HDGFL3: variants seen among roughly 807,000 people sequenced by gnomAD.
The protein encoded by HDGFL3 is HDGF like 3.
Under a neutral mutation model 27.6 loss-of-function variants are expected in HDGFL3, and 6 were observed. The ratio of observed to expected loss-of-function variants is 0.22; its 90% CI spans 0.12 to 0.43. The LOEUF (loss-of-function observed/expected upper bound fraction) is 0.43, where lower values mean the gene tolerates loss of function less well. Ranked by LOEUF, HDGFL3 falls within the 20% of genes least tolerant of loss-of-function variation. HDGFL3 has a pLI of 1.00. For missense variants in HDGFL3, 207 were observed against 250.1 expected (o/e 0.83, Z 1.16); for synonymous variants, 88 against 88.9 (o/e 0.99, Z 0.05).
intron 1 of HDGFL3, among the ~76,000 whole-genome samples, chr15:83,176,350 T>TAAA (rs1036165917): frequency 2.2e-4 from 33 of 152,346 alleles, no homozygotes; most frequent in African/African-American, 7.7e-4. Flanking sequence ...AAATCTAACA[T>TAAA]AAAATGAATA....
intron 1 of HDGFL3, among the ~76,000 whole-genome samples, chr15:83,205,316 T>C (rs1385702580): frequency 1.3e-5 from 2 of 152,176 alleles, no homozygotes; most frequent in Non-Finnish European, 2.9e-5. Flanking sequence ...AACGAGAAAA[T>C]AAAACTTCTT....
At chr15:83,166,832 A>T (rs2037176882) in intron 1 of HDGFL3, among the ~76,000 whole-genome samples, 1 of 152,156 alleles carries the variant, frequency 6.6e-6, no homozygotes, top group East Asian at 1.9e-4. Context: ...GATCTCATGA[A>T]AACTCACTCA....
intron 1 of HDGFL3, among the ~76,000 whole-genome samples, chr15:83,178,964 T>A (rs751074970): frequency 1.3e-5 from 2 of 152,120 alleles, no homozygotes; most frequent in African/African-American, 2.4e-5. Flanking sequence ...CAAGTTCTCC[T>A]CCCTACTCTT....
At chr15:83,202,405 G>T (rs1452720432) in intron 1 of HDGFL3, among the ~76,000 whole-genome samples, 4 of 152,106 alleles carry the variant, frequency 2.6e-5, no homozygotes, top group African/African-American at 4.8e-5. Flanking sequence ...GGAAGAGAAA[G>T]ACACTGATGC....
chr15:83,179,222 G>A (rs2037350972), intron 1 of HDGFL3: 1 of 152,318 alleles, frequency 6.6e-6, no homozygotes, highest in Non-Finnish European at 1.5e-5. Flanking sequence ...TGTGGCCCAT[G>A]TAGCGTGCAG....
chr15:83,153,922 G>A lies in HDGFL3; in HGVS notation c.460-2561C>T, dbSNP rs187200996. 7.7e-3 allele frequency among the ~76,000 whole-genome samples: 1,171 copies of A among 152,176 alleles called. 6 individuals carry two copies. Among genetic ancestry groups the A allele is most frequent in the Non-Finnish European group, 0.01 (711 of 67,998 alleles). On this transcript the variant is annotated intron_variant, in intron 4 of 5. Transcript: ENST00000299633. ...ATTAGGTGAGGTAGAGGAGACAGGT[G>A]TGGGGCCTTTTCCTCTACCCAACTG...
downstream of HDGFL3, chr15:83,127,591 T>A: frequency 6.7e-6 from 8 of 1,186,312 alleles, no homozygotes; most frequent in Non-Finnish European, 9.6e-6. Flanking sequence ...ATTAGACATG[T>A]CACCTTTTGT....
chr15:83,123,868 G>A (rs992511620), downstream of HDGFL3, among the ~76,000 whole-genome samples: 18 of 152,200 alleles, frequency 1.2e-4, no homozygotes, highest in African/African-American at 4.1e-4. Flanking sequence ...TGACAGCCAG[G>A]GCCAAGCAGG....
intron 1 of HDGFL3, among the ~76,000 whole-genome samples, chr15:83,203,819 A>G (rs1183427188): frequency 6.6e-6 from 1 of 151,514 alleles, no homozygotes; most frequent in Non-Finnish European, 1.5e-5. Flanking sequence ...TATGCTGTAT[A>G]TAGTAGTAAC....
chr15:83,122,769 C>G (rs1485751218), downstream of HDGFL3: 3 of 1,613,800 alleles, frequency 1.9e-6, no homozygotes, highest in Middle Eastern at 5.0e-4. Flanking sequence ...AAGTATGGAA[C>G]ACGAATTTGC....
At chr15:83,186,563 AAAT>A (rs1283314554) in intron 1 of HDGFL3, among the ~76,000 whole-genome samples, 3 of 152,244 alleles carry the variant, frequency 2.0e-5, no homozygotes, top group South Asian at 2.1e-4. Context: ...CTGTATTCTG[AAAT>A]AATATCTTCT....
rs190513650 is a variant in HDGFL3 at position 83,146,580 on chromosome 15, T to G, written c.606+4635A>C. Among the ~76,000 whole-genome samples the G allele has an allele frequency of 1.6e-4, 24 of 152,360 alleles. No homozygotes were observed. The East Asian group carries it at 3.5e-3, about 22-fold the overall frequency. On this transcript the variant is annotated intron_variant, in intron 5 of 5. Coordinates refer to ENST00000299633, the MANE Select transcript of HDGFL3 (RefSeq NM_016073.4). Reference sequence around the variant, plus strand: ...ATTCCATGGTCCATTGTTATAATCCTTGTACACATCCTTGATTCCCTGGCC... The same window carrying G: ...ATTCCATGGTCCATTGTTATAATCCGTGTACACATCCTTGATTCCCTGGCC...
chr15:83,115,378 A>G, exon 4 of HDGFL3: 1 of 296,656 alleles, frequency 3.4e-6, no homozygotes, highest in Non-Finnish European at 6.6e-6. Context: ...TCAGCCTCCC[A>G]AAGTGCTGGG....
At chr15:83,141,220 G>A (rs1567164743) in intron 5 of HDGFL3, among the ~76,000 whole-genome samples, 1 of 152,132 alleles carries the variant, frequency 6.6e-6, no homozygotes. Flanking sequence ...CTTATGCACT[G>A]GTTGCCATGC....
intron 1 of HDGFL3, among the ~76,000 whole-genome samples, chr15:83,183,128 G>A (rs553065800): frequency 6.6e-6 from 1 of 152,184 alleles, no homozygotes; most frequent in African/African-American, 2.4e-5. Flanking sequence ...AATAAATCAG[G>A]AGACTACTGT....
intron 4 of HDGFL3, 139 bp downstream of exon 4, chr15:83,157,276 C>T (rs1391252874): frequency 2.5e-6 from 2 of 811,444 alleles, no homozygotes; most frequent in Non-Finnish European, 3.9e-6. Context: ...CTTCCCTCTG[C>T]TGTATTTTGT....
At chr15:83,181,588 G>A (rs1265509322) in intron 1 of HDGFL3, among the ~76,000 whole-genome samples, 1 of 152,128 alleles carries the variant, frequency 6.6e-6, no homozygotes, top group African/African-American at 2.4e-5. Context: ...TGGTTCTCCT[G>A]CCTCAGCCTT....
chr15:83,207,400 C>A lies in HDGFL3; in HGVS notation c.15G>T (p.Arg5=). 1.4e-5 allele frequency: 19 copies of A among 1,351,044 alleles called. No homozygotes were observed. Among genetic ancestry groups the A allele is most frequent in the Middle Eastern group, 2.1e-4 (1 of 4,830 alleles). 83.7% of individuals were successfully genotyped at this position (1,351,044 alleles called of 1,614,324 possible). The change falls in exon 1 of 6, where the codon CGG becomes CGT. Residue 5 remains arginine (R), a synonymous_variant. Coordinates refer to ENST00000299633, the MANE Select transcript of HDGFL3 (RefSeq NM_016073.4). The surrounding 1 kb of genome is among the most constrained non-coding windows in gnomAD (Gnocchi z 4.8). ...GGTCGCCCGCTTTGTACTCGCGGGG[C>A]CGCGGACGCGCCATCCCAGCCGCTC... MARP[R]PREYKAGDLV...
At chr15:83,125,498 T>C (rs918803523), downstream of HDGFL3, among the ~76,000 whole-genome samples, 1 of 152,196 alleles carries the variant, frequency 6.6e-6, no homozygotes, top group Non-Finnish European at 1.5e-5. Flanking sequence ...CTTAACAGTA[T>C]TGTTTTGGAG....
Sources: allele counts gnomAD v4.1 joint callset (sites outside exome capture counted in the v4.1 genomes callset), GRCh38; gene constraint gnomAD v4.1.1; non-coding constraint Gnocchi (gnomAD v3.1); transcripts MANE v1.5; gene names NCBI Gene and HGNC (gene_info 2026-07-23, HGNC 2026-07-21).